The following PSEN1 variants were observed in gnomAD, a reference collection of about 807,000 sequenced individuals.
PSEN1 encodes the protein presenilin 1, also known as presenilin-1.
A neutral mutation model predicts 53.5 loss-of-function variants in PSEN1; 15 were observed. That is an observed-to-expected ratio of 0.28 (90% CI 0.19 to 0.43). PSEN1 has a LOEUF of 0.43. PSEN1 is among the 20% of genes least tolerant of loss of function. PSEN1 has a pLI of 1.00. For missense variants in PSEN1, 387 were observed against 571.2 expected, an observed-to-expected ratio of 0.68 and a Z score of 3.29; for synonymous variants, 208 against 209.8, an observed-to-expected ratio of 0.99 and a Z score of 0.08.
chr14:73,158,416 C>T (rs2140003370), intron 3 of PSEN1, among the ~76,000 whole-genome samples: 1 of 152,102 alleles, frequency 6.6e-6, no homozygotes, highest in East Asian at 1.9e-4. Context: ...ACCTCTGCCT[C>T]CTGGGTTCAA....
intron 6 of PSEN1, among the ~76,000 whole-genome samples, chr14:73,191,912 A>G (rs374047525): frequency 1.3e-5 from 2 of 152,314 alleles, no homozygotes; most frequent in South Asian, 4.1e-4. Flanking sequence ...TAGCTATAAA[A>G]TTTGTTAGCA....
intron 3 of PSEN1, among the ~76,000 whole-genome samples, chr14:73,157,201 C>T (rs541221438): frequency 4.2e-4 from 63 of 151,744 alleles, no homozygotes; most frequent in African/African-American, 1.4e-3. Flanking sequence ...TCTTGGCTCA[C>T]TGCAACGTCT....
At chr14:73,160,072 CT>C in intron 3 of PSEN1, 1 of 277,302 alleles carries the variant, frequency 3.6e-6, no homozygotes, top group African/African-American at 2.2e-5. Context: ...AATCCTCCCA[CT>C]TTGGCCTCCC....
At chr14:73,205,546 C>T (rs1899422848) in intron 8 of PSEN1, among the ~76,000 whole-genome samples, 1 of 151,218 alleles carries the variant, frequency 6.6e-6, no homozygotes, top group African/African-American at 2.4e-5. Context: ...GCATTTGGTT[C>T]CCACCATAAC....
At chr14:73,198,214 G>C in intron 8 of PSEN1, 85 bp downstream of exon 8, 1 of 820,612 alleles carries the variant, frequency 1.2e-6, no homozygotes. Flanking sequence ...TCATTTTCAT[G>C]GTACTTGTTC....
intron 8 of PSEN1, among the ~76,000 whole-genome samples, chr14:73,204,330 C>G (rs1246591867): frequency 6.7e-6 from 1 of 149,158 alleles, no homozygotes; most frequent in Non-Finnish European, 1.5e-5. Flanking sequence ...ACGAAATCTG[C>G]TTATTTTCCT....
intron 4 of PSEN1, 105 bp from the exon 5 acceptor site, chr14:73,173,461 A>G: frequency 8.6e-7 from 1 of 1,158,182 alleles, no homozygotes; most frequent in Admixed American, 1.8e-5. Flanking sequence ...GACTTATAAG[A>G]TACGAATTGA....
chr14:73,201,371 C>T (rs1899183189), intron 8 of PSEN1, among the ~76,000 whole-genome samples: 1 of 152,172 alleles, frequency 6.6e-6, no homozygotes, highest in African/African-American at 2.4e-5. Flanking sequence ...CAGGCGTGAG[C>T]CACCGCGCCT....
At chr14:73,180,183 C>G (rs563263950) in intron 5 of PSEN1, among the ~76,000 whole-genome samples, 2 of 152,132 alleles carry the variant, frequency 1.3e-5, no homozygotes, top group East Asian at 3.9e-4. Context: ...TGAGGGTTCC[C>G]CATGTTGCCC....
At chr14:73,214,732 T>C (rs1899842130) in intron 10 of PSEN1, among the ~76,000 whole-genome samples, 1 of 152,166 alleles carries the variant, frequency 6.6e-6, no homozygotes, top group African/African-American at 2.4e-5. Flanking sequence ...TGATTCCACT[T>C]ACATCAGAGT....
chr14:73,173,421 C>T (rs1897948794), intron 4 of PSEN1, 145 bp from the exon 5 acceptor site: 2 of 772,036 alleles, frequency 2.6e-6, no homozygotes, highest in Non-Finnish European at 4.3e-6. Context: ...GTTAAAAATT[C>T]TTAGCTAGAT....
intron 8 of PSEN1, among the ~76,000 whole-genome samples, chr14:73,203,254 A>G (rs1899305202): frequency 1.3e-5 from 2 of 151,542 alleles, no homozygotes; most frequent in Admixed American, 1.3e-4. Flanking sequence ...AATTTTTTGT[A>G]TTTTTGTATT....
chr14:73,197,438 G>C (rs1051041509), intron 7 of PSEN1, among the ~76,000 whole-genome samples: 1 of 152,050 alleles, frequency 6.6e-6, no homozygotes, highest in African/African-American at 2.4e-5. Flanking sequence ...ACTTTATCTC[G>C]CAAAGAGTTA....
At chr14:73,150,990 C>T (rs1897205055) in intron 3 of PSEN1, among the ~76,000 whole-genome samples, 1 of 151,682 alleles carries the variant, frequency 6.6e-6, no homozygotes, top group African/African-American at 2.4e-5. Flanking sequence ...ATGGCATGAA[C>T]CTGGGAGGCG....
intron 6 of PSEN1, chr14:73,189,624 G>T (rs1028699963): frequency 2.0e-5 from 3 of 153,708 alleles, no homozygotes; most frequent in African/African-American, 7.2e-5. Flanking sequence ...AAAAAATAAA[G>T]TGAAAACACA....
rs760139599 is a variant in PSEN1 at position 73,211,921 on chromosome 14, G to A, written c.1108G>A (p.Ala370Thr). 11 of 1,613,710 alleles carry A rather than the reference G, an allele frequency of 6.8e-6. No homozygotes were observed. The highest frequency in any genetic ancestry group is 1.1e-5 in the South Asian group (1 of 91,068). ...CCAGGAACTTTCCAGCAGTATCCTCGCTGGTGAAGACCCAGAGGAAAGTAT... is the reference window on the plus strand; with the variant it reads ...CCAGGAACTTTCCAGCAGTATCCTCACTGGTGAAGACCCAGAGGAAAGTAT... ...AVQELSSSILAGEDPEERGVK... is the reference protein window; with the variant it reads ...AVQELSSSILTGEDPEERGVK... Residue 370 changes from alanine to threonine, a missense_variant, in exon 10 of 12, where the codon GCT (alanine) becomes ACT (threonine). By Grantham distance (58) the Ala-to-Thr change is moderately conservative. Transcript: ENST00000324501.
chr14:73,183,921 G>A (rs112850015), intron 5 of PSEN1, among the ~76,000 whole-genome samples: 2 of 144,704 alleles, frequency 1.4e-5, no homozygotes, highest in Admixed American at 6.7e-5. Flanking sequence ...CTGGCCGGGC[G>A]GGGGGCTGAC....
intron 3 of PSEN1, among the ~76,000 whole-genome samples, chr14:73,166,495 AC>A (rs1382416003): frequency 6.6e-6 from 1 of 152,234 alleles, no homozygotes; most frequent in African/African-American, 2.4e-5. Flanking sequence ...AATACCAAAT[AC>A]TATATAGAGA....
At chr14:73,155,144 G>T (rs1467267569) in intron 3 of PSEN1, among the ~76,000 whole-genome samples, 1 of 152,214 alleles carries the variant, frequency 6.6e-6, no homozygotes, top group Non-Finnish European at 1.5e-5. Context: ...GAATGTGGCA[G>T]TAATCTCAAT....
Sources: allele counts gnomAD v4.1 joint callset (sites outside exome capture counted in the v4.1 genomes callset), GRCh38; gene constraint gnomAD v4.1.1; transcripts MANE v1.5; gene names NCBI Gene and HGNC (gene_info 2026-07-23, HGNC 2026-07-21).